Variants in PPP3CA observed in about 807,000 individuals in gnomAD.
The protein encoded by PPP3CA is protein phosphatase 3 catalytic subunit alpha.
A neutral mutation model predicts 66.5 loss-of-function variants in PPP3CA; 14 were observed. That is an observed-to-expected ratio of 0.21 (90% confidence interval 0.14 to 0.33). The LOEUF (loss-of-function observed/expected upper bound fraction) is 0.33. Among genes scored for constraint, PPP3CA ranks in the 10% least tolerant of loss-of-function variants. PPP3CA has a pLI of 1.00. For missense variants in PPP3CA, 317 were observed against 639.5 expected, an observed-to-expected ratio of 0.50 and a Z score of 5.44; for synonymous variants, 232 against 226.2, an observed-to-expected ratio of 1.03 and a Z score of -0.23.
chr4:101,029,304 C>G (rs1311772016), intron 12 of PPP3CA, 109 bp from the exon 13 acceptor site: 2 of 683,634 alleles, frequency 2.9e-6, no homozygotes, highest in Non-Finnish European at 4.8e-6. Context: ...ACTAATGTTC[C>G]TGTAAGTGCT....
intron 1 of PPP3CA, among the ~76,000 whole-genome samples, chr4:101,265,457 TTGACCTGAA>T (rs1727140386): frequency 6.6e-6 from 1 of 151,986 alleles, no homozygotes; most frequent in Non-Finnish European, 1.5e-5. Flanking sequence ...TCTTAGTAAA[TTGACCTGAA>T]TCCCAAAGAA....
Position 101,135,376 on chromosome 4 carries a change from T to C in PPP3CA, c.260-26298A>G, listed in dbSNP as rs72915977. ...GCCATGTCTGTGTTGAAACCCTTAGTGCAACAGTTTATTCTGAACTCCGTA... is the reference window on the plus strand; with the variant it reads ...GCCATGTCTGTGTTGAAACCCTTAGCGCAACAGTTTATTCTGAACTCCGTA... On this transcript the variant is annotated intron_variant, in intron 2 of 13. Coordinates refer to ENST00000394854, the MANE Select transcript of PPP3CA (RefSeq NM_000944.5). 6.6e-3 allele frequency among the ~76,000 whole-genome samples: 1,007 copies of C among 152,268 alleles called. 14 individuals carry two copies. Among genetic ancestry groups the C allele is most frequent in the African/African-American group, 0.022 (930 of 41,554 alleles).
chr4:101,176,786 C>A (rs1724074977), intron 2 of PPP3CA, among the ~76,000 whole-genome samples: 2 of 151,942 alleles, frequency 1.3e-5, no homozygotes, highest in African/African-American at 4.8e-5. Flanking sequence ...CTGTGAAGCC[C>A]CCCCAAAAAA....
intron 1 of PPP3CA, among the ~76,000 whole-genome samples, chr4:101,276,852 A>G (rs1224077898): frequency 6.6e-6 from 1 of 152,096 alleles, no homozygotes; most frequent in Non-Finnish European, 1.5e-5. Context: ...GTTGAAATTA[A>G]TTGCTGAGCC....
chr4:101,060,366 A>C (rs1271469310), intron 10 of PPP3CA, among the ~76,000 whole-genome samples: 1 of 152,076 alleles, frequency 6.6e-6, no homozygotes, highest in Non-Finnish European at 1.5e-5. Flanking sequence ...ACCCGGCCTC[A>C]ACTGTACTTC....
chr4:101,288,703 G>A (rs1009115969), intron 1 of PPP3CA, among the ~76,000 whole-genome samples: 2 of 151,872 alleles, frequency 1.3e-5, no homozygotes, highest in Non-Finnish European at 1.5e-5. Flanking sequence ...TGTTCATGAG[G>A]TAGTAAAAAT....
chr4:101,277,627 T>G (rs1209192210), intron 1 of PPP3CA, among the ~76,000 whole-genome samples: 1 of 152,204 alleles, frequency 6.6e-6, no homozygotes, highest in African/African-American at 2.4e-5. Context: ...ATAGCCATTA[T>G]TTCTCTAAAT....
chr4:101,194,345 TG>T (rs1724718204), intron 2 of PPP3CA, among the ~76,000 whole-genome samples: 1 of 152,224 alleles, frequency 6.6e-6, no homozygotes, highest in Non-Finnish European at 1.5e-5. Flanking sequence ...AATATTCATT[TG>T]AAGACCAATA....
intron 2 of PPP3CA, among the ~76,000 whole-genome samples, chr4:101,153,309 T>G (rs1251374346): frequency 6.6e-6 from 1 of 152,192 alleles, no homozygotes; most frequent in African/African-American, 2.4e-5. Context: ...AAAGAAAGCA[T>G]GACATTATAC....
At chr4:101,280,692 C>T (rs972165185) in intron 1 of PPP3CA, among the ~76,000 whole-genome samples, 1 of 151,882 alleles carries the variant, frequency 6.6e-6, no homozygotes, top group African/African-American at 2.4e-5. Context: ...TGGTGGCATG[C>T]ACCTGCAGTT....
chr4:101,171,474 T>G (rs918941005), intron 2 of PPP3CA, among the ~76,000 whole-genome samples: 2 of 152,152 alleles, frequency 1.3e-5, no homozygotes, highest in African/African-American at 4.8e-5. Context: ...AGCTAAATCT[T>G]ATTGTGCACT....
intron 1 of PPP3CA, among the ~76,000 whole-genome samples, chr4:101,248,291 C>A (rs1726554998): frequency 6.6e-6 from 1 of 152,126 alleles, no homozygotes; most frequent in Admixed American, 6.6e-5. Flanking sequence ...CCCAAATATG[C>A]ATTAAATTTC....
chr4:101,232,798 T>A (rs1183642627), intron 1 of PPP3CA, among the ~76,000 whole-genome samples: 1 of 151,774 alleles, frequency 6.6e-6, no homozygotes, highest in Non-Finnish European at 1.5e-5. Flanking sequence ...CTATTATTAT[T>A]TTTTGTTCTT....
At chr4:101,036,142 T>A (rs1298225175) in intron 11 of PPP3CA, among the ~76,000 whole-genome samples, 2 of 152,216 alleles carry the variant, frequency 1.3e-5, no homozygotes, top group East Asian at 1.9e-4. Flanking sequence ...TGATCAAATG[T>A]CAAAGTGATA....
At chr4:101,127,182 C>A (rs1578474177) in intron 2 of PPP3CA, among the ~76,000 whole-genome samples, 1 of 151,938 alleles carries the variant, frequency 6.6e-6, no homozygotes. Flanking sequence ...TCTTCCACCT[C>A]ACCCCCAACT....
At chr4:101,132,114 G>A (rs896812468) in intron 2 of PPP3CA, among the ~76,000 whole-genome samples, 11 of 152,094 alleles carry the variant, frequency 7.2e-5, no homozygotes, top group African/African-American at 2.7e-4. Flanking sequence ...GTGTACAGAC[G>A]GAAATTTATA....
intron 1 of PPP3CA, among the ~76,000 whole-genome samples, chr4:101,251,004 G>A (rs1319603123): frequency 6.6e-6 from 1 of 151,980 alleles, no homozygotes; most frequent in African/African-American, 2.4e-5. Flanking sequence ...TTTAAGTCCT[G>A]TAAGAGAATA....
rs1423594831 is a variant in PPP3CA at position 101,109,880 on chromosome 4, C to T, written c.260-802G>A. Among the ~76,000 whole-genome samples the T allele has an allele frequency of 3.9e-5, 6 of 152,122 alleles. No individual in the cohort carries two copies. In the Middle Eastern group the frequency reaches 0.01, roughly 259 times the overall value. On this transcript the variant is annotated intron_variant, in intron 2 of 13. Transcript: ENST00000394854. Reference sequence around the variant, plus strand: ...AAACTCACTTATTTAATACTTATTTCGTTTCCACTTTCAGAACTCTAAAAA... The same window carrying T: ...AAACTCACTTATTTAATACTTATTTTGTTTCCACTTTCAGAACTCTAAAAA...
At chr4:101,029,285 G>T in intron 12 of PPP3CA, 90 bp from the exon 13 acceptor site, 1 of 1,086,282 alleles carries the variant, frequency 9.2e-7, no homozygotes, top group South Asian at 1.3e-5. Context: ...CATCAAAGGA[G>T]CTAAGAGAAC....
Sources: allele counts gnomAD v4.1 joint callset (sites outside exome capture counted in the v4.1 genomes callset), GRCh38; gene constraint gnomAD v4.1.1; transcripts MANE v1.5; gene names NCBI Gene and HGNC (gene_info 2026-07-23, HGNC 2026-07-21).